DMD: variants seen among roughly 807,000 people sequenced by gnomAD.
The protein encoded by DMD is mutant dystrophin.
DMD carries 63 observed loss-of-function variants against 330.1 expected under a neutral mutation model. The ratio of observed to expected loss-of-function variants is 0.19; its 90% CI spans 0.16 to 0.24. DMD has a LOEUF of 0.24. Ranked by LOEUF, DMD falls within the 10% of genes least tolerant of loss-of-function variation. DMD has a pLI of 1.00. For missense variants in DMD, 3,344 were observed against 2,684.1 expected (o/e 1.25, Z -5.43); for synonymous variants, 1,223 against 959.8 (o/e 1.27, Z -5.07).
intron 2 of DMD, among the ~76,000 whole-genome samples, chrX:33,009,460 A>G (rs1317495899): frequency 2.5e-5 from 2 of 79,005 alleles, no homozygotes; most frequent in South Asian, 1.3e-3. Context: ...GTATGTGTAT[A>G]CACATATGTG....
At chrX:33,207,828 G>A (rs1432697828) in intron 1 of DMD, among the ~76,000 whole-genome samples, 2 of 111,145 alleles carry the variant, frequency 1.8e-5, no homozygotes, top group Non-Finnish European at 3.8e-5. Context: ...ATACTGCATT[G>A]AGCACACTCT....
chrX:31,748,937 C>G (rs1331305312), intron 51 of DMD, among the ~76,000 whole-genome samples: 1 of 111,110 alleles, frequency 9.0e-6, no homozygotes, highest in African/African-American at 3.3e-5. Flanking sequence ...TCGTAAGCAG[C>G]TATAATGTAG....
At chrX:32,114,005 C>T (rs1830559654) in intron 44 of DMD, among the ~76,000 whole-genome samples, 1 of 111,246 alleles carries the variant, frequency 9.0e-6, no homozygotes, top group Admixed American at 9.6e-5. Context: ...TTTGATTATG[C>T]AAGGCTCAAT....
intron 13 of DMD, among the ~76,000 whole-genome samples, chrX:32,579,372 G>T (rs766309799): frequency 8.9e-6 from 1 of 112,252 alleles, no homozygotes; most frequent in African/African-American, 3.2e-5. Flanking sequence ...GCAGGTTACA[G>T]ATGAGGAAAC....
At chrX:32,198,547 TCAA>T (rs1352606183) in intron 44 of DMD, among the ~76,000 whole-genome samples, 1 of 112,049 alleles carries the variant, frequency 8.9e-6, no homozygotes, top group Admixed American at 9.5e-5. Context: ...CTGTAGGGTA[TCAA>T]CGAGTTTAGT....
intron 55 of DMD, among the ~76,000 whole-genome samples, chrX:31,622,875 TATACACACACACAC>T (rs1178197991): frequency 1.2e-5 from 1 of 80,530 alleles, no homozygotes; most frequent in Admixed American, 1.4e-4. Flanking sequence ...TATATATATA[TATACACACACACAC>T]ACACACACAC....
intron 2 of DMD, among the ~76,000 whole-genome samples, chrX:33,003,088 T>C (rs139435376): frequency 9.1e-6 from 1 of 109,618 alleles, no homozygotes; most frequent in Non-Finnish European, 1.9e-5. Context: ...GGTGCACCCA[T>C]CACCTGAGAA....
chrX:32,676,386 A>C (rs1295276044), intron 9 of DMD, among the ~76,000 whole-genome samples: 1 of 111,081 alleles, frequency 9.0e-6, no homozygotes, highest in Non-Finnish European at 1.9e-5. Flanking sequence ...GGATAATATA[A>C]CATAAAGGAC....
intron 2 of DMD, among the ~76,000 whole-genome samples, chrX:32,932,086 T>A (rs1023757225): frequency 4.4e-5 from 5 of 112,406 alleles, no homozygotes; most frequent in Non-Finnish European, 9.4e-5. Flanking sequence ...AGCAAACATC[T>A]GTGCATGAAT....
intron 9 of DMD, among the ~76,000 whole-genome samples, chrX:32,661,217 T>C (rs141443599): frequency 0.038 from 4,242 of 111,373 alleles, 102 homozygotes; most frequent in Admixed American, 0.052. Flanking sequence ...GTGTAGACTG[T>C]GCTTTAAATT....
chrX:32,989,617 G>A (rs1196849144), intron 2 of DMD, among the ~76,000 whole-genome samples: 1 of 111,590 alleles, frequency 9.0e-6, no homozygotes. Context: ...TAGAGAAAAT[G>A]TCATGTCTTT....
rs1307298504 is a variant in DMD, at chrX:32,970,716, G to T, written c.93+49423C>A. 9.7e-5 allele frequency among the ~76,000 whole-genome samples: 9 copies of T among 92,668 alleles called. 1 individual carries two copies. The South Asian group carries it at 1.6e-3, about 16-fold the overall frequency. 80.5% of individuals were successfully genotyped at this position (92,668 alleles called of 115,157 possible). On this transcript the variant is annotated intron_variant, in intron 2 of 78. Transcript: ENST00000357033. Reference sequence around the variant, plus strand: ...GATTCTGAATAAGGCACAATAAGAAGAATTTTCTTTTTCTTTATTTAGTCT... The same window carrying T: ...GATTCTGAATAAGGCACAATAAGAATAATTTTCTTTTTCTTTATTTAGTCT...
chrX:32,414,014 C>T (rs187324467), intron 29 of DMD, among the ~76,000 whole-genome samples: 104 of 111,411 alleles, frequency 9.3e-4, no homozygotes, highest in Middle Eastern at 4.7e-3. Flanking sequence ...AGACATTGCG[C>T]GCAGCCAAAA....
chrX:32,070,196 C>G (rs1304344190), intron 44 of DMD, among the ~76,000 whole-genome samples: 1 of 111,048 alleles, frequency 9.0e-6, no homozygotes, highest in East Asian at 2.9e-4. Context: ...GGCGCTCTCC[C>G]CACCCCGCTC....
chrX:32,251,827 T>C (rs2097264678), intron 43 of DMD, among the ~76,000 whole-genome samples: 1 of 110,116 alleles, frequency 9.1e-6, no homozygotes, highest in African/African-American at 3.3e-5. Context: ...AATAATTGTT[T>C]AAAGTTAGCC....
intron 44 of DMD, among the ~76,000 whole-genome samples, chrX:32,049,900 A>G (rs1043758943): frequency 7.2e-5 from 8 of 111,393 alleles, no homozygotes; most frequent in African/African-American, 2.6e-4. Context: ...TTCCATCCCT[A>G]AGAAAATGCT....
intron 44 of DMD, among the ~76,000 whole-genome samples, chrX:32,033,224 G>C (rs1478944151): frequency 9.0e-6 from 1 of 110,987 alleles, no homozygotes; most frequent in East Asian, 2.8e-4. Flanking sequence ...CCAGGGGCTG[G>C]GGATAGGGCG....
At chrX:32,174,427 C>A (rs1336231573) in intron 44 of DMD, among the ~76,000 whole-genome samples, 1 of 112,344 alleles carries the variant, frequency 8.9e-6, no homozygotes, top group African/African-American at 3.2e-5. Context: ...AGTCTGCAAA[C>A]TGCAGCCCTC....
intron 55 of DMD, among the ~76,000 whole-genome samples, chrX:31,521,241 C>A (rs762559584): frequency 5.6e-5 from 6 of 107,018 alleles, no homozygotes; most frequent in African/African-American, 1.7e-4. Flanking sequence ...TCACTGCAAC[C>A]TCTGTCCCCC....
Sources: allele counts gnomAD v4.1 joint callset (sites outside exome capture counted in the v4.1 genomes callset), GRCh38; gene constraint gnomAD v4.1.1; transcripts MANE v1.5; gene names NCBI Gene and HGNC (gene_info 2026-07-23, HGNC 2026-07-21).